ST6GALNAC3: variants seen among roughly 807,000 people sequenced by gnomAD.
ST6GALNAC3 encodes ST6 N-acetylgalactosaminide alpha-2,6-sialyltransferase 3, also known as alpha-N-acetylgalactosaminide alpha-2,6-sialyltransferase 3.
Under a neutral mutation model 32.7 loss-of-function variants are expected in ST6GALNAC3, and 25 were observed. That is an observed-to-expected ratio of 0.76 (90% CI 0.56 to 1.07). The LOEUF is 1.07. Ranked by LOEUF, ST6GALNAC3 falls within the 50% of genes least tolerant of loss-of-function variation. The pLI is 0.00. For synonymous variants in ST6GALNAC3, 129 were observed against 133.1 expected, an observed-to-expected ratio of 0.97 and a Z score of 0.21; for missense variants, 355 against 382.4, an observed-to-expected ratio of 0.93 and a Z score of 0.60.
chr1:76,592,107 C>A (rs1420227576), intron 3 of ST6GALNAC3, among the ~76,000 whole-genome samples: 1 of 152,060 alleles, frequency 6.6e-6, no homozygotes, highest in African/African-American at 2.4e-5. Context: ...GCAACTGAAG[C>A]CTTTTAATCA....
intron 3 of ST6GALNAC3, among the ~76,000 whole-genome samples, chr1:76,465,426 G>GT (rs1658559117): frequency 6.6e-6 from 1 of 152,156 alleles, no homozygotes; most frequent in Non-Finnish European, 1.5e-5. Flanking sequence ...AACTGTCAGT[G>GT]TCGTCTCAAT....
rs183038049 is a variant in ST6GALNAC3 at position 76,168,365 on chromosome 1, T to G, written c.18+93481T>G. On this transcript the variant is annotated intron_variant, in intron 1 of 4. Transcript: ENST00000328299. ...GTCTGAGAGATTGTTATGATTTCAGTTCTTTTGCATTTGCTGAGGAGTGTT... is the reference window on the plus strand; with the variant it reads ...GTCTGAGAGATTGTTATGATTTCAGGTCTTTTGCATTTGCTGAGGAGTGTT... 9.4e-3 allele frequency among the ~76,000 whole-genome samples: 1,438 copies of G among 152,334 alleles called. 17 individuals are homozygous for G. Among genetic ancestry groups the G allele is most frequent in the Non-Finnish European group, 0.016 (1,068 of 68,026 alleles).
At chr1:76,135,544 T>G (rs1570129893) in intron 1 of ST6GALNAC3, among the ~76,000 whole-genome samples, 1 of 152,322 alleles carries the variant, frequency 6.6e-6, no homozygotes, top group South Asian at 2.1e-4. Context: ...ATCAAATAGC[T>G]AATAAGGACC....
chr1:76,084,614 G>C (rs1276746366), intron 1 of ST6GALNAC3, among the ~76,000 whole-genome samples: 1 of 152,186 alleles, frequency 6.6e-6, no homozygotes, highest in Admixed American at 6.5e-5. Flanking sequence ...CAGTTTCTTT[G>C]TTCGGTTTGC....
At chr1:76,291,552 C>T (rs1181081284) in intron 1 of ST6GALNAC3, among the ~76,000 whole-genome samples, 2 of 152,198 alleles carry the variant, frequency 1.3e-5, no homozygotes, top group Non-Finnish European at 2.9e-5. Context: ...GGGAAAAGAA[C>T]ATTTTGGATC....
intron 1 of ST6GALNAC3, among the ~76,000 whole-genome samples, chr1:76,158,153 T>C (rs1354328815): frequency 6.6e-6 from 1 of 152,254 alleles, no homozygotes; most frequent in African/African-American, 2.4e-5. Flanking sequence ...TGTGGGGTGG[T>C]TGTGAGTCAG....
At chr1:76,272,052 GCGCGGTGGCTCA>G (rs915940909) in intron 1 of ST6GALNAC3, among the ~76,000 whole-genome samples, 1 of 152,014 alleles carries the variant, frequency 6.6e-6, no homozygotes, top group African/African-American at 2.4e-5. Flanking sequence ...TTAAAGCCGG[GCGCGGTGGCTCA>G]CGCCTGTAAT....
chr1:76,491,123 G>T (rs928137965), intron 3 of ST6GALNAC3, among the ~76,000 whole-genome samples: 1 of 152,106 alleles, frequency 6.6e-6, no homozygotes, highest in Non-Finnish European at 1.5e-5. Context: ...CTTCCAAAGT[G>T]CTGGGATTAC....
At chr1:76,211,045 A>G (rs1229809327) in intron 1 of ST6GALNAC3, among the ~76,000 whole-genome samples, 1 of 152,142 alleles carries the variant, frequency 6.6e-6, no homozygotes, top group African/African-American at 2.4e-5. Flanking sequence ...TCTTATGGGG[A>G]CACTGGTCCA....
At chr1:76,139,435 T>C (rs1000605115) in intron 1 of ST6GALNAC3, among the ~76,000 whole-genome samples, 1 of 152,224 alleles carries the variant, frequency 6.6e-6, no homozygotes, top group Admixed American at 6.5e-5. Context: ...CAGTTGTACA[T>C]GGACTGTTTC....
chr1:76,262,753 T>C (rs989367746), intron 1 of ST6GALNAC3, among the ~76,000 whole-genome samples: 1 of 151,852 alleles, frequency 6.6e-6, no homozygotes, highest in Admixed American at 6.6e-5. Context: ...TTGTGGGGAG[T>C]GGGGAGCATG....
chr1:76,286,315 C>G (rs1659775050), intron 1 of ST6GALNAC3, among the ~76,000 whole-genome samples: 1 of 152,140 alleles, frequency 6.6e-6, no homozygotes, highest in Non-Finnish European at 1.5e-5. Flanking sequence ...AAGCTTGGAG[C>G]TGAAATGATT....
intron 2 of ST6GALNAC3, among the ~76,000 whole-genome samples, chr1:76,368,913 C>T (rs966352639): frequency 3.9e-5 from 6 of 152,160 alleles, no homozygotes; most frequent in African/African-American, 1.4e-4. Context: ...ACTTGGTCCA[C>T]ACCCACTGCT....
intron 1 of ST6GALNAC3, chr1:76,142,828 T>G (rs748445927): frequency 2.4e-5 from 11 of 452,138 alleles, no homozygotes; most frequent in Middle Eastern, 3.3e-4. Flanking sequence ...CCTGCCTTTT[T>G]TTTTTTCTTT....
At chr1:76,267,459 A>G (rs1057210891) in intron 1 of ST6GALNAC3, among the ~76,000 whole-genome samples, 1 of 152,210 alleles carries the variant, frequency 6.6e-6, no homozygotes, top group Non-Finnish European at 1.5e-5. Context: ...TTACCAGAAC[A>G]GAGCATCTGC....
intron 3 of ST6GALNAC3, among the ~76,000 whole-genome samples, chr1:76,447,370 T>A (rs1000692978): frequency 6.6e-6 from 1 of 152,134 alleles, no homozygotes; most frequent in African/African-American, 2.4e-5. Context: ...CATTCCATTT[T>A]TAAAAGGGAA....
intron 1 of ST6GALNAC3, among the ~76,000 whole-genome samples, chr1:76,305,019 G>A (rs1453351446): frequency 2.0e-5 from 3 of 152,070 alleles, no homozygotes; most frequent in East Asian, 3.9e-4. Context: ...ATTGTTCCTG[G>A]TTAGTTAGCA....
At chr1:76,526,814 G>A (rs1482291884) in intron 3 of ST6GALNAC3, among the ~76,000 whole-genome samples, 5 of 151,976 alleles carry the variant, frequency 3.3e-5, no homozygotes, top group Non-Finnish European at 4.4e-5. Flanking sequence ...TTTAATTGCT[G>A]TAGACACTTT....
chr1:76,286,906 A>T (rs1255189251), intron 1 of ST6GALNAC3, among the ~76,000 whole-genome samples: 2 of 152,216 alleles, frequency 1.3e-5, no homozygotes, highest in Non-Finnish European at 2.9e-5. Context: ...GATGATCTAT[A>T]CAAGACCCAG....
Sources: gnomAD v4.1 joint callset for allele counts (sites outside exome capture counted in the v4.1 genomes callset) on GRCh38, gnomAD v4.1.1 for gene constraint, MANE v1.5 for transcripts, NCBI Gene and HGNC (gene_info 2026-07-23, HGNC 2026-07-21) for gene names.